POC1B: variants seen among roughly 807,000 people sequenced by gnomAD.
POC1B encodes POC1 centriolar protein homolog B.
POC1B carries 44 observed loss-of-function variants against 60.6 expected under a neutral mutation model. That is an observed-to-expected ratio of 0.73 (90% CI 0.57 to 0.93). The LOEUF (loss-of-function observed/expected upper bound fraction) is 0.93, where lower values mean the gene tolerates loss of function less well. Among genes scored for constraint, POC1B ranks in the 40% least tolerant of loss-of-function variants. The pLI is 0.00. For synonymous variants in POC1B, 180 were observed against 198.9 expected, an observed-to-expected ratio of 0.90 and a Z score of 0.80; for missense variants, 555 against 572.3, an observed-to-expected ratio of 0.97 and a Z score of 0.31.
the POC1B span, among the ~76,000 whole-genome samples, chr12:89,403,240 T>G: frequency 6.6e-6 from 1 of 152,098 alleles, no homozygotes; most frequent in Non-Finnish European, 1.5e-5. Context: ...ACTCCTGACT[T>G]CAAGTGTCTG....
At chr12:89,438,186 G>A (rs553100795) in intron 10 of POC1B, among the ~76,000 whole-genome samples, 1 of 150,502 alleles carries the variant, frequency 6.6e-6, no homozygotes, top group East Asian at 2.0e-4. Context: ...GGCCGGGCGC[G>A]GTGGCTCACG....
intron 10 of POC1B, among the ~76,000 whole-genome samples, chr12:89,454,792 C>A (rs1245195556): frequency 1.3e-5 from 2 of 152,176 alleles, no homozygotes; most frequent in Non-Finnish European, 2.9e-5. Flanking sequence ...TTGCCTCTCT[C>A]TGACTGGAAT....
chr12:89,492,257 G>T, intron 3 of POC1B, 142 bp from the exon 4 acceptor site: 1 of 654,850 alleles, frequency 1.5e-6, no homozygotes, highest in Middle Eastern at 4.5e-4. Flanking sequence ...GTATGAAAGG[G>T]CTATGTTGTA....
chr12:89,432,298 A>G (rs1881064284), intron 10 of POC1B, among the ~76,000 whole-genome samples: 1 of 150,576 alleles, frequency 6.6e-6, no homozygotes, highest in Non-Finnish European at 1.5e-5. Context: ...AGGCAGGACA[A>G]TCACTTGAAC....
At chr12:89,524,105 AC>A (rs758603807) in intron 2 of POC1B, 10 of 1,614,042 alleles carry the variant, frequency 6.2e-6, no homozygotes, top group Non-Finnish European at 8.5e-6. Flanking sequence ...AGCAAAGTCG[AC>A]CAGGCTTCGT....
intron 7 of POC1B, among the ~76,000 whole-genome samples, chr12:89,469,474 G>A (rs559246374): frequency 6.6e-6 from 1 of 152,262 alleles, no homozygotes; most frequent in East Asian, 1.9e-4. Context: ...AACACAAATA[G>A]GCTTTCTAGA....
intron 2 of POC1B, among the ~76,000 whole-genome samples, chr12:89,508,764 T>A (rs1411811406): frequency 6.6e-6 from 1 of 152,194 alleles, no homozygotes; most frequent in African/African-American, 2.4e-5. Flanking sequence ...GTGAGTGATT[T>A]CTCACAAGAT....
the POC1B span, among the ~76,000 whole-genome samples, chr12:89,404,295 A>G: frequency 6.6e-6 from 1 of 152,118 alleles, no homozygotes; most frequent in Admixed American, 6.5e-5. Context: ...CTAAGTGGCC[A>G]TGTTCTGTGT....
At chr12:89,490,685 G>A (rs926854978) in intron 4 of POC1B, among the ~76,000 whole-genome samples, 5 of 152,124 alleles carry the variant, frequency 3.3e-5, no homozygotes, top group Admixed American at 6.5e-5. Context: ...TGCACTTTCA[G>A]TACTTTAGCA....
chr12:89,412,676 C>CA, the POC1B span, among the ~76,000 whole-genome samples: 93 of 139,068 alleles, frequency 6.7e-4, no homozygotes, highest in African/African-American at 8.4e-4. Context: ...GACTCCGTCT[C>CA]AAAAAAAAAA....
At chr12:89,411,336 A>T in the POC1B span, among the ~76,000 whole-genome samples, 7 of 152,242 alleles carry the variant, frequency 4.6e-5, no homozygotes, top group African/African-American at 1.4e-4. Context: ...AAAAGAACAA[A>T]GCCGGAGGCA....
chr12:89,443,793 C>CA (rs1450771584), intron 10 of POC1B, among the ~76,000 whole-genome samples: 9 of 150,714 alleles, frequency 6.0e-5, no homozygotes, highest in African/African-American at 1.5e-4. Flanking sequence ...AAAAACCCTT[C>CA]AAAAAATCAA....
chr12:89,524,115 G>C lies in POC1B; in HGVS notation c.100+1005C>G, dbSNP rs557300871. On this transcript the variant is annotated intron_variant, in intron 2 of 11. Transcript: ENST00000313546. The stretch of plus-strand genomic sequence containing the variant: ...TACGGAGCAAAGTCGACCAGGCTTC[G>C]TTATAGAAAGCAATGATAACAGAGG... 23 of 1,613,874 alleles carry C rather than the reference G, an allele frequency of 1.4e-5. No individual in the cohort carries two copies. The highest frequency in any genetic ancestry group is 5.0e-5 in the Admixed American group (3 of 60,014).
At chr12:89,453,957 A>T (rs1340608631) in intron 10 of POC1B, among the ~76,000 whole-genome samples, 1 of 152,262 alleles carries the variant, frequency 6.6e-6, no homozygotes, top group Non-Finnish European at 1.5e-5. Flanking sequence ...CTTCCTAAAA[A>T]TAGGCTGATG....
At chr12:89,502,046 C>G in intron 2 of POC1B, 2 of 984,546 alleles carry the variant, frequency 2.0e-6, no homozygotes, top group South Asian at 2.5e-5. Context: ...AATATTATGA[C>G]TGCACAGAAT....
intron 2 of POC1B, 99 bp from the exon 3 acceptor site, chr12:89,497,441 G>C (rs1869314739): frequency 8.0e-7 from 1 of 1,243,582 alleles, no homozygotes. Context: ...AGGCATCCAG[G>C]TAATAGAGCG....
chr12:89,464,483 G>T (rs1453774205), intron 9 of POC1B, among the ~76,000 whole-genome samples: 37 of 94,734 alleles, frequency 3.9e-4, no homozygotes, highest in South Asian at 1.6e-3. Context: ...TTTTATAAGA[G>T]TTTTTTTTTT....
chr12:89,522,818 T>C, intron 2 of POC1B: 1 of 1,578,484 alleles, frequency 6.3e-7, no homozygotes, highest in African/African-American at 1.4e-5. Flanking sequence ...GTGCTCTATT[T>C]CTCAAAACTC....
At chr12:89,514,412 T>TTTTTTTC (rs1870347015) in intron 2 of POC1B, among the ~76,000 whole-genome samples, 1 of 134,280 alleles carries the variant, frequency 7.4e-6, no homozygotes, top group Non-Finnish European at 1.6e-5. Flanking sequence ...CTTTTTTTTT[T>TTTTTTTC]TTTTTTTTTT....
Sources: allele counts gnomAD v4.1 joint callset (sites outside exome capture counted in the v4.1 genomes callset), GRCh38; gene constraint gnomAD v4.1.1; transcripts MANE v1.5; gene names NCBI Gene and HGNC (gene_info 2026-07-23, HGNC 2026-07-21).